The following MUC5B variants were observed in gnomAD, a reference collection of about 807,000 sequenced individuals.
MUC5B encodes the protein mucin-5B.
MUC5B carries 116 observed loss-of-function variants against 376.9 expected under a neutral mutation model. The observed-to-expected ratio is 0.31, with a 90% CI of 0.26 to 0.36. The LOEUF (loss-of-function observed/expected upper bound fraction) is 0.36. Ranked by LOEUF, MUC5B falls within the 10% of genes least tolerant of loss-of-function variation. The pLI is 1.00. For missense variants in MUC5B, 7,165 were observed against 7,769.9 expected (o/e 0.92, Z 2.93); for synonymous variants, 3,517 against 3,390.9 (o/e 1.04, Z -1.29).
chr11:1,241,756 G>A lies in MUC5B; in HGVS notation c.4876G>A (p.Ala1626Thr). ...LETATTTTTQ[A>T]LFSTPQPTSS... Reference sequence around the variant, plus strand: ...GACGGCCACCACCACCACCACCCAGGCCCTGTTCTCAACGCCGCAGCCTAC... The same window carrying A: ...GACGGCCACCACCACCACCACCCAGACCCTGTTCTCAACGCCGCAGCCTAC... The change falls in exon 31 of 49, where the codon GCC becomes ACC. Residue 1626 changes from alanine (A) to threonine (T), a missense_variant. Ala to Thr is a moderately conservative substitution (Grantham distance 58). Around this residue, in one of 31 missense-constraint regions of MUC5B, gnomAD observed 897 missense variants for 779.6 expected, o/e 1.15. Transcript: ENST00000529681. 1 of 1,612,130 alleles carries A rather than the reference G, an allele frequency of 6.2e-7. No individual in the cohort carries two copies. Among genetic ancestry groups the A allele is most frequent in the Non-Finnish European group, 8.5e-7 (1 of 1,179,404 alleles).
In MUC5B at chr11:1,238,989, C is replaced by T. The variant is rs75935363; in HGVS notation, c.3416C>T (p.Ala1139Val). 3.0e-5 allele frequency: 47 copies of T among 1,571,236 alleles called. No homozygotes were observed. Among genetic ancestry groups the T allele is most frequent in the African/African-American group, 1.1e-4 (8 of 73,990 alleles). Residue 1139 changes from alanine to valine, a missense_variant, in exon 26 of 49, where the codon GCG becomes GTG. Transcript: ENST00000529681. Reference sequence around the variant, plus strand: ...GCCTACGCCCAGGCCTGCCACGACGCGGGCCTGTGTGTGTCCTGGCGGACT... The same window carrying T: ...GCCTACGCCCAGGCCTGCCACGACGTGGGCCTGTGTGTGTCCTGGCGGACT... ...VAAYAQACHD[A>V]GLCVSWRTPD...
In MUC5B at chr11:1,254,161, A is replaced by T; in HGVS notation, c.15287A>T (p.Asn5096Ile). The T allele has an allele frequency of 1.2e-6, 2 of 1,612,972 alleles. No homozygotes were observed. The highest frequency in any genetic ancestry group is 1.7e-6 in the Non-Finnish European group (2 of 1,179,854). Residue 5096 changes from asparagine (N) to isoleucine (I), a missense_variant, in exon 34 of 49, where the codon AAC (asparagine) becomes ATC (isoleucine). Around this residue, in one of 31 missense-constraint regions of MUC5B, gnomAD observed 842 missense variants for 1,016.9 expected, o/e 0.83. Coordinates refer to ENST00000529681, the MANE Select transcript of MUC5B (RefSeq NM_002458.3). ...GGCACCTCTTACACCTTCCGGGGCA[A>T]CTGCACCTATGTCCTCATGAGAGAG... ...FDGTSYTFRG[N>I]CTYVLMREIH...
chr11:1,226,382 C>G (rs1414974537), intron 3 of MUC5B, 106 bp downstream of exon 3: 2 of 1,419,494 alleles, frequency 1.4e-6, no homozygotes, highest in Non-Finnish European at 1.9e-6. Context: ...GCCGTTGGGC[C>G]AGACCCAGAG....
rs376169586 is a variant in MUC5B, at chr11:1,225,571, A to G, written c.71-110A>G. 234 of 963,070 alleles carry G rather than the reference A, an allele frequency of 2.4e-4. 2 individuals carry two copies. The African/African-American group carries it at 3.4e-3, about 14-fold the overall frequency. The allele number at this position is 963,070 out of a possible 1,614,324, so 59.7% of individuals were successfully genotyped here. On this transcript the variant is annotated intron_variant, in intron 1 of 48. Coordinates refer to ENST00000529681, the MANE Select transcript of MUC5B (RefSeq NM_002458.3). The stretch of plus-strand genomic sequence containing the variant: ...CTGCAGGGCATGGAGACCGCCACCA[A>G]GGACCCCACATGCGGCTGCCGCACC...
rs1169832727 is a variant in MUC5B, at chr11:1,245,452, C to A, written c.8572C>A (p.Pro2858Thr). 1 of 1,386,390 alleles carries A rather than the reference C, an allele frequency of 7.2e-7. No homozygotes were observed. 85.9% of individuals were successfully genotyped at this position (1,386,390 alleles called of 1,614,324 possible). The change falls in exon 31 of 49, where the codon CCC becomes ACC. Residue 2858 changes from proline (P) to threonine (T), a missense_variant. Physicochemically the swap from Pro to Thr is conservative, Grantham distance 38. Around this residue, in one of 31 missense-constraint regions of MUC5B, gnomAD observed 57 missense variants for 167.2 expected, o/e 0.34. Transcript: ENST00000529681. ...CACCTCGACCCTGCTGCCCAGCAGC[C>A]CCACATCGGCCCCAATAACCACGGT... ...TRTSTLLPSSPTSAPITTVVT... is the reference protein window; with the variant it reads ...TRTSTLLPSSTTSAPITTVVT...
At chr11:1,230,733 C>A in intron 12 of MUC5B, 133 bp downstream of exon 12, 2 of 908,606 alleles carry the variant, frequency 2.2e-6, no homozygotes, top group Admixed American at 4.8e-5. Flanking sequence ...AGGTCCCCCT[C>A]CAGCCCCCAG....
At position 1,234,669 on chromosome 11, in the gene MUC5B, C is replaced by T. The variant is rs1466148251; in HGVS notation, c.2619C>T (p.Asp873=). 3 of 1,538,032 alleles carry T rather than the reference C, an allele frequency of 2.0e-6. No homozygotes were observed. The African/African-American group carries it at 4.2e-5, about 21-fold the overall frequency. The change falls in exon 21 of 49, where the codon GAC becomes GAT. Residue 873 remains aspartate, a synonymous_variant. Coordinates refer to ENST00000529681, the MANE Select transcript of MUC5B (RefSeq NM_002458.3). This position sits in a 1 kb window ranked among gnomAD's most constrained non-coding sequence, Gnocchi z 6.3. ...AGCCTGGAGAGACCATCAGGGTCGA[C>T]TGCAACACCTGGTGGGTCGTGAGTC... ...TYKPGETIRV[D]CNTCTCRNRR... is the part of the protein sequence containing the mutation.
At position 1,240,055 on chromosome 11, in the gene MUC5B, C is replaced by T. The variant is rs757738606; in HGVS notation, c.3739C>T (p.Pro1247Ser). The T allele has an allele frequency of 5.7e-6, 9 of 1,574,570 alleles. No homozygotes were observed. The highest frequency in any genetic ancestry group is 6.9e-6 in the Non-Finnish European group (8 of 1,159,548). The stretch of plus-strand genomic sequence containing the variant: ...CTCCCCCACCCCTAGTAACTGCACA[C>T]CCAGTGGCATCCAGTGCGCTCACAG... ...AENCQSCNCT[P>S]SGIQCAHSLE... Residue 1247 changes from proline to serine, a missense_variant, in exon 29 of 49, where the codon CCC (proline) becomes TCC (serine). By Grantham distance (74) the Pro-to-Ser change is moderately conservative (BLOSUM62 -1). Transcript: ENST00000529681.
intron 23 of MUC5B, among the ~76,000 whole-genome samples, chr11:1,236,021 G>A (rs980059839): frequency 3.3e-5 from 5 of 152,228 alleles, no homozygotes; most frequent in African/African-American, 1.2e-4. Context: ...GCCGCTGGCC[G>A]GGATGCTCCC....
At position 1,251,593 on chromosome 11, in the gene MUC5B, A is replaced by G. The variant is rs1296813465; in HGVS notation, c.14713A>G (p.Thr4905Ala). The change falls in exon 31 of 49, where the codon ACC becomes GCC. Residue 4905 changes from threonine to alanine, a missense_variant. Physicochemically the swap from Thr to Ala is moderately conservative, Grantham distance 58. Transcript: ENST00000529681. ...CTCGTCCACCGTGGGGACCACCCGC[A>G]CCCCTGCAGTGCTCCCCAGCAGCCT... ...PSSSTVGTTR[T>A]PAVLPSSLPT... is the part of the protein sequence containing the mutation. 1 of 1,612,738 alleles carries G rather than the reference A, an allele frequency of 6.2e-7. No homozygotes were observed. Among genetic ancestry groups the G allele is most frequent in the Non-Finnish European group, 8.5e-7 (1 of 1,179,730 alleles).
chr11:1,235,342 A>G lies in MUC5B; in HGVS notation c.2809A>G (p.Ile937Val), dbSNP rs1450020148. Residue 937 changes from isoleucine to valine, a missense_variant, in exon 23 of 49, where the codon ATC (isoleucine) becomes GTC (valine). Ile to Val is a conservative substitution (Grantham distance 29, BLOSUM62 3). Transcript: ENST00000529681. The stretch of plus-strand genomic sequence containing the variant: ...CAACACCACCCACGGGACCTTCCGC[A>G]TCGTCACCGAGAACATCCCCTGTGG... ...GDNTTHGTFR[I>V]VTENIPCGTT... is the part of the protein sequence containing the mutation. 2.5e-6 allele frequency: 4 copies of G among 1,612,594 alleles called. No individual in the cohort carries two copies. Among genetic ancestry groups the G allele is most frequent in the East Asian group, 2.2e-5 (1 of 44,866 alleles).
intron 24 of MUC5B, 98 bp downstream of exon 24, chr11:1,236,660 G>T (rs1180149200): frequency 7.6e-7 from 1 of 1,320,674 alleles, no homozygotes; most frequent in Non-Finnish European, 1.0e-6. Flanking sequence ...CTGACCCGTG[G>T]GTGCGTGAGC....
rs764418018 is a variant in MUC5B, at chr11:1,255,161, C to T, written c.15785C>T (p.Ala5262Val). Residue 5262 changes from alanine to valine, a missense_variant, in exon 36 of 49, where the codon GCC (alanine) becomes GTC (valine). Ala to Val is a moderately conservative substitution (Grantham distance 64). This residue lies in a region of MUC5B where 842 missense variants were observed against 1,016.9 expected (regional missense o/e 0.83). Coordinates refer to ENST00000529681, the MANE Select transcript of MUC5B (RefSeq NM_002458.3). The stretch of plus-strand genomic sequence containing the variant: ...GACAGCAGAAAGGATGGCTGCTGGG[C>T]CCCGACTGGCACACCCCCCACTGCC... ...VPDSRKDGCW[A>V]PTGTPPTASP... 2 of 1,561,548 alleles carry T rather than the reference C, an allele frequency of 1.3e-6. No individual in the cohort carries two copies. The highest frequency in any genetic ancestry group is 1.7e-6 in the Non-Finnish European group (2 of 1,153,992).
Position 1,256,175 on chromosome 11 carries a change from C to G in MUC5B, c.16086C>G (p.Thr5362=), listed in dbSNP as rs894362085. 1.4e-6 allele frequency: 1 copy of G among 735,696 alleles called. No homozygotes were observed. The highest frequency in any genetic ancestry group is 2.5e-6 in the Non-Finnish European group (1 of 396,214). The allele number at this position is 735,696 out of a possible 1,614,324, so 45.6% of individuals were successfully genotyped here. ...CCACAGACCTCACCTGCCCACCCAC[C>G]AAAGTGTACAAGCCATGCGGCCCCA... The part of the protein sequence containing the change: ...GGLCDLTCPP[T]KVYKPCGPIQ... The change falls in exon 38 of 49, where the codon ACC becomes ACG. Residue 5362 remains threonine, a synonymous_variant. Transcript: ENST00000529681.
chr11:1,225,723 A>G lies in MUC5B; in HGVS notation c.113A>G (p.His38Arg). 1.2e-6 allele frequency: 2 copies of G among 1,606,534 alleles called. No individual in the cohort carries two copies. Among genetic ancestry groups the G allele is most frequent in the East Asian group, 2.2e-5 (1 of 44,590 alleles). ...GAGCCGAGCTGGGAGAATGCAGGGC[A>G]CACCATGGATGGCGGTATGTGGCCA... ...PVEPSWENAG[H>R]TMDGGAPTSS... The change falls in exon 2 of 49, where the codon CAC (histidine) becomes CGC (arginine). Residue 38 changes from histidine to arginine, a missense_variant. Physicochemically the swap from His to Arg is conservative, Grantham distance 29 (BLOSUM62 0). Coordinates refer to ENST00000529681, the MANE Select transcript of MUC5B (RefSeq NM_002458.3).
At chr11:1,236,245 A>G in intron 23 of MUC5B, 141 bp from the exon 24 acceptor site, 1 of 727,570 alleles carries the variant, frequency 1.4e-6, no homozygotes, top group Non-Finnish European at 2.1e-6. Context: ...GGTCTCACGG[A>G]CCCAGCTCAC....
At chr11:1,237,983 A>G (rs1036683230) in intron 25 of MUC5B, among the ~76,000 whole-genome samples, 6 of 152,350 alleles carry the variant, frequency 3.9e-5, no homozygotes, top group African/African-American at 1.4e-4. Flanking sequence ...GGGCTGGCGT[A>G]GGGGCAGCAG....
chr11:1,260,256 C>T lies in MUC5B; in HGVS notation c.16924-95C>T, dbSNP rs966152709. 1.6e-5 allele frequency: 22 copies of T among 1,412,018 alleles called. No individual in the cohort carries two copies. In the Admixed American group the frequency reaches 4.0e-4, roughly 26 times the overall value. The allele number at this position is 1,412,018 out of a possible 1,614,324, so 87.5% of individuals were successfully genotyped here. The stretch of plus-strand genomic sequence containing the variant: ...GGAGGCCCCGCCCCTGCCCGGGAGG[C>T]CATGCCCCTGCCCGGGTGGGCCCCT... On this transcript the variant is annotated intron_variant, in intron 46 of 48. Transcript: ENST00000529681.
At chr11:1,229,039 GC>G in intron 8 of MUC5B, 130 bp from the exon 9 acceptor site, 1 of 1,175,694 alleles carries the variant, frequency 8.5e-7, no homozygotes, top group Non-Finnish European at 1.2e-6. Flanking sequence ...GGGCGTCAGG[GC>G]CACCCTGGGG....
Sources: gnomAD v4.1 joint callset for allele counts (sites outside exome capture counted in the v4.1 genomes callset) on GRCh38, gnomAD v4.1.1 for gene constraint, gnomAD v4.1.1 regional missense constraint, Gnocchi (gnomAD v3.1) non-coding constraint, MANE v1.5 for transcripts, NCBI Gene and HGNC (gene_info 2026-07-23, HGNC 2026-07-21) for gene names.